Variants in POC1B observed in about 807,000 individuals in gnomAD.
POC1B encodes the protein POC1 centriolar protein homolog B.
In POC1B, 44 loss-of-function variants were observed where a neutral mutation model predicts 60.6. The ratio of observed to expected loss-of-function variants is 0.73; its 90% CI spans 0.57 to 0.93. The LOEUF is 0.93. Among genes scored for constraint, POC1B ranks in the 40% least tolerant of loss-of-function variants. The pLI is 0.00. For synonymous variants in POC1B, 180 were observed against 198.9 expected, an observed-to-expected ratio of 0.90 and a Z score of 0.80; for missense variants, 555 against 572.3, an observed-to-expected ratio of 0.97 and a Z score of 0.31.
chr12:89,488,613 AG>A, intron 4 of POC1B, among the ~76,000 whole-genome samples: 1 of 151,952 alleles, frequency 6.6e-6, no homozygotes, highest in East Asian at 1.9e-4. Flanking sequence ...CAGCCTCCCG[AG>A]TAGCTGGGAT....
the POC1B span, among the ~76,000 whole-genome samples, chr12:89,408,778 C>T: frequency 6.6e-6 from 1 of 152,108 alleles, no homozygotes; most frequent in Non-Finnish European, 1.5e-5. Context: ...TGAGCCACCG[C>T]GCCTGGCCTG....
chr12:89,436,173 G>C (rs1348248768), intron 10 of POC1B, among the ~76,000 whole-genome samples: 1 of 151,826 alleles, frequency 6.6e-6, no homozygotes, highest in Non-Finnish European at 1.5e-5. Context: ...TTGATCTCTT[G>C]ATCTCTTGAC....
intron 2 of POC1B, among the ~76,000 whole-genome samples, chr12:89,507,440 T>G (rs542129627): frequency 2.0e-5 from 3 of 152,244 alleles, no homozygotes; most frequent in African/African-American, 7.2e-5. Flanking sequence ...GGAATTTGCT[T>G]TCATACATTT....
chr12:89,514,833 C>T (rs904456358), intron 2 of POC1B, among the ~76,000 whole-genome samples: 3 of 152,136 alleles, frequency 2.0e-5, no homozygotes, highest in Non-Finnish European at 4.4e-5. Context: ...GTTGAAGCCT[C>T]AAGCCTCTCT....
chr12:89,437,754 A>G (rs1881331145), intron 10 of POC1B, among the ~76,000 whole-genome samples: 1 of 152,158 alleles, frequency 6.6e-6, no homozygotes, highest in South Asian at 2.1e-4. Context: ...ACTAAATAAG[A>G]TTTTAAAAAT....
chr12:89,457,385 G>C (rs1448644950), intron 10 of POC1B, among the ~76,000 whole-genome samples: 1 of 152,190 alleles, frequency 6.6e-6, no homozygotes, highest in Non-Finnish European at 1.5e-5. Flanking sequence ...AAAAGAAAGA[G>C]ATACACATTG....
intron 6 of POC1B, among the ~76,000 whole-genome samples, chr12:89,470,868 G>C (rs371199613): frequency 6.6e-6 from 1 of 152,188 alleles, no homozygotes; most frequent in African/African-American, 2.4e-5. Context: ...GAAAAGTGTG[G>C]AGACAGTTTG....
At chr12:89,476,883 G>A (rs1883144217) in intron 4 of POC1B, among the ~76,000 whole-genome samples, 1 of 152,084 alleles carries the variant, frequency 6.6e-6, no homozygotes, top group Non-Finnish European at 1.5e-5. Flanking sequence ...GACCAAACAG[G>A]GCAGGCACTA....
chr12:89,466,929 A>G lies in POC1B; in HGVS notation c.880-7T>C, dbSNP rs561351619. On this transcript the variant is annotated splice_region_variant and splice_polypyrimidine_tract_variant and intron_variant, in intron 8 of 11. Transcript: ENST00000313546. ...TAGTCCTCCATAATAAGACCTATGAAAAAAGTCAATGATGTTGGCAGTTAT... is the reference window on the plus strand; with the variant it reads ...TAGTCCTCCATAATAAGACCTATGAGAAAAGTCAATGATGTTGGCAGTTAT... 59 of 1,604,872 alleles carry G rather than the reference A, an allele frequency of 3.7e-5. No individual in the cohort carries two copies. The highest frequency in any genetic ancestry group is 1.7e-4 in the Middle Eastern group (1 of 5,768).
chr12:89,521,835 T>G (rs934600376), intron 2 of POC1B: 6 of 397,266 alleles, frequency 1.5e-5, no homozygotes, highest in East Asian at 1.1e-4. Context: ...TTAAATTTCC[T>G]GATCAGCAGA....
intron 2 of POC1B, chr12:89,500,403 G>A (rs1304472728): frequency 6.6e-6 from 10 of 1,514,124 alleles, no homozygotes; most frequent in Non-Finnish European, 9.2e-6. Context: ...GTAGAACCAA[G>A]TGAAGCCACC....
chr12:89,411,740 TGA>T, the POC1B span, among the ~76,000 whole-genome samples: 1 of 152,210 alleles, frequency 6.6e-6, no homozygotes, highest in Non-Finnish European at 1.5e-5. Context: ...TCACCAGTTG[TGA>T]GACTCTCCAA....
At chr12:89,429,629 T>G (rs1183841085) in intron 10 of POC1B, among the ~76,000 whole-genome samples, 2 of 152,166 alleles carry the variant, frequency 1.3e-5, no homozygotes, top group Admixed American at 1.3e-4. Flanking sequence ...AATGTACGTA[T>G]GGTATGATGC....
the POC1B span, among the ~76,000 whole-genome samples, chr12:89,405,499 C>T: frequency 6.2e-4 from 94 of 152,128 alleles, no homozygotes; most frequent in Middle Eastern, 0.014. Context: ...AAAAATTAGC[C>T]GGGCATGGTG....
intron 2 of POC1B, among the ~76,000 whole-genome samples, chr12:89,498,603 T>C (rs552731466): frequency 5.2e-4 from 79 of 152,218 alleles, no homozygotes; most frequent in Admixed American, 1.4e-3. Flanking sequence ...TATTTCCATG[T>C]AAAACAGTTA....
downstream of POC1B, among the ~76,000 whole-genome samples, chr12:89,419,040 G>A (rs1172304107): frequency 1.3e-5 from 2 of 151,916 alleles, no homozygotes; most frequent in African/African-American, 2.4e-5. Flanking sequence ...TGAACTGTGG[G>A]GTGTGAAGAA....
At chr12:89,418,836 T>G (rs746291277), downstream of POC1B, among the ~76,000 whole-genome samples, 5 of 152,184 alleles carry the variant, frequency 3.3e-5, no homozygotes, top group Non-Finnish European at 7.3e-5. Context: ...TGCAGAACTA[T>G]GAGCCAAATA....
intron 10 of POC1B, chr12:89,426,948 T>C (rs2120659622): frequency 6.6e-6 from 1 of 152,288 alleles, no homozygotes; most frequent in South Asian, 2.1e-4. Context: ...TCAAAAACCT[T>C]AATATTATTA....
At chr12:89,517,162 T>C (rs575652222) in intron 2 of POC1B, among the ~76,000 whole-genome samples, 2 of 152,330 alleles carry the variant, frequency 1.3e-5, no homozygotes, top group South Asian at 2.1e-4. Flanking sequence ...GGCATTCTTA[T>C]ACTTTCTTGA....
Sources: allele counts gnomAD v4.1 joint callset (sites outside exome capture counted in the v4.1 genomes callset), GRCh38; gene constraint gnomAD v4.1.1; transcripts MANE v1.5; gene names NCBI Gene and HGNC (gene_info 2026-07-23, HGNC 2026-07-21).